DNAH12: variants seen among roughly 807,000 people sequenced by gnomAD.
DNAH12 encodes dynein axonemal heavy chain 12, also known as axonemal beta dynein heavy chain 12.
Under a neutral mutation model 371.5 loss-of-function variants are expected in DNAH12, and 285 were observed. The observed-to-expected ratio is 0.77, with a 90% CI of 0.70 to 0.85. The LOEUF is 0.85. Ranked by LOEUF, DNAH12 falls within the 40% of genes least tolerant of loss-of-function variation. The pLI is 0.00. For missense variants in DNAH12, 3,611 were observed against 3,689.4 expected (o/e 0.98, Z 0.55); for synonymous variants, 1,200 against 1,213.0 (o/e 0.99, Z 0.22).
chr3:57,501,349 T>G lies in DNAH12; in HGVS notation c.1307A>C (p.Glu436Ala). Residue 436 changes from glutamate (E) to alanine (A), a missense_variant, in exon 11 of 74, where the codon GAA becomes GCA. By Grantham distance (107) the Glu-to-Ala change is moderately radical. Around this residue, in one of 3 missense-constraint regions of DNAH12, gnomAD observed 1,314 missense variants for 1,398.7 expected, o/e 0.94. Coordinates refer to ENST00000495027, the MANE Select transcript of DNAH12 (RefSeq NM_001366028.2). Reference sequence around the variant, plus strand: ...TGTATATTCATCAAAAGTATGATCTTCTGTCTGAAAAGTCTCTATATTCTC... The same window carrying G: ...TGTATATTCATCAAAAGTATGATCTGCTGTCTGAAAAGTCTCTATATTCTC... The part of the protein sequence containing the change: ...AVENIETFQT[E>A]DHTFDEYTEF... The G allele has an allele frequency of 6.3e-7, 1 of 1,596,880 alleles. No homozygotes were observed. Among genetic ancestry groups the G allele is most frequent in the Non-Finnish European group, 8.5e-7 (1 of 1,175,348 alleles).
intron 32 of DNAH12, 28 bp from the exon 33 acceptor site, chr3:57,429,802 A>AT (rs1325151941): frequency 1.3e-6 from 2 of 1,486,064 alleles, no homozygotes; most frequent in Non-Finnish European, 8.9e-7. Context: ...TCAAATGTTT[A>AT]TTTTTTAAAA....
At chr3:57,437,361 T>C (rs574480353) in intron 29 of DNAH12, among the ~76,000 whole-genome samples, 1 of 151,128 alleles carries the variant, frequency 6.6e-6, no homozygotes, top group South Asian at 2.1e-4. Flanking sequence ...GGTTAGGAAA[T>C]AGAAAGACCT....
chr3:57,493,779 A>C (rs569523886), intron 11 of DNAH12: 2 of 141,554 alleles, frequency 1.4e-5, no homozygotes, highest in Non-Finnish European at 3.0e-5. Context: ...GACCAGTCAA[A>C]AAAAAAAAAA....
chr3:57,313,243 A>G (rs988810252), intron 66 of DNAH12, among the ~76,000 whole-genome samples: 1 of 152,196 alleles, frequency 6.6e-6, no homozygotes, highest in African/African-American at 2.4e-5. Flanking sequence ...AAGCAAGAAC[A>G]GACCACCTAT....
At chr3:57,477,817 C>G (rs575362011) in intron 13 of DNAH12, among the ~76,000 whole-genome samples, 76 of 152,304 alleles carry the variant, frequency 5.0e-4, no homozygotes, top group African/African-American at 1.7e-3. Flanking sequence ...CAAACAGGGT[C>G]TGGAGTGGAC....
chr3:57,302,984 T>C (rs1009944629), intron 69 of DNAH12, among the ~76,000 whole-genome samples: 3 of 152,042 alleles, frequency 2.0e-5, no homozygotes, highest in Non-Finnish European at 4.4e-5. Flanking sequence ...GAAGTTATGA[T>C]TAATGAATAT....
intron 69 of DNAH12, among the ~76,000 whole-genome samples, chr3:57,305,599 A>G (rs1245422737): frequency 6.6e-6 from 1 of 152,030 alleles, no homozygotes; most frequent in Non-Finnish European, 1.5e-5. Context: ...GCTCTTTTTC[A>G]TCAAATATGA....
intron 1 of DNAH12, 73 bp from the exon 2 acceptor site, chr3:57,542,976 T>C (rs1164191229): frequency 1.8e-6 from 2 of 1,136,692 alleles, no homozygotes; most frequent in East Asian, 2.7e-5. Flanking sequence ...ATCTAACATA[T>C]CAATACCAAA....
At chr3:57,437,902 C>T (rs1346562284) in intron 29 of DNAH12, among the ~76,000 whole-genome samples, 1 of 152,196 alleles carries the variant, frequency 6.6e-6, no homozygotes, top group African/African-American at 2.4e-5. Flanking sequence ...TAAACTACAG[C>T]TCAGTAATGC....
At chr3:57,372,093 G>A (rs893974062) in intron 55 of DNAH12, among the ~76,000 whole-genome samples, 1 of 151,766 alleles carries the variant, frequency 6.6e-6, no homozygotes, top group African/African-American at 2.4e-5. Context: ...GTTAACAATA[G>A]TTTATTGTAT....
At chr3:57,504,394 C>A (rs1030978284) in intron 8 of DNAH12, among the ~76,000 whole-genome samples, 190 bp from the exon 9 acceptor site, 5 of 151,894 alleles carry the variant, frequency 3.3e-5, no homozygotes, top group African/African-American at 1.2e-4. Context: ...CATGCACACA[C>A]ACACACACAC....
chr3:57,507,642 C>A lies in DNAH12; in HGVS notation c.897+1G>T. The A allele has an allele frequency of 6.3e-7, 1 of 1,590,298 alleles. No individual in the cohort carries two copies. Among genetic ancestry groups the A allele is most frequent in the Non-Finnish European group, 8.5e-7 (1 of 1,174,910 alleles). On this transcript the variant is annotated splice_donor_variant, in intron 8 of 73. Transcript: ENST00000495027. LOFTEE classifies it high-confidence loss of function. Reference sequence around the variant, plus strand: ...ATTTAATATATATAAAGTGTATGTACCTGATTTGACATAAGTGTGGAAACA... The same window carrying A: ...ATTTAATATATATAAAGTGTATGTAACTGATTTGACATAAGTGTGGAAACA...
intron 62 of DNAH12, among the ~76,000 whole-genome samples, chr3:57,326,626 G>C (rs930840516): frequency 2.2e-4 from 34 of 152,066 alleles, no homozygotes; most frequent in African/African-American, 2.2e-4. Context: ...TAAAGACCAT[G>C]GAGACTAGGA....
Position 57,293,759 on chromosome 3 carries a change from A to G in DNAH12, c.*22T>C. ...GGTTTTTTTTTTTTTAAACTTTTGG[A>G]TGTTTTATAAATTTGTCCAATTTAG... On this transcript the variant is annotated 3_prime_UTR_variant, in exon 74 of 74. Coordinates refer to ENST00000495027, the MANE Select transcript of DNAH12 (RefSeq NM_001366028.2). The G allele has an allele frequency of 6.5e-7, 1 of 1,530,014 alleles. No individual in the cohort carries two copies. The highest frequency in any genetic ancestry group is 8.8e-7 in the Non-Finnish European group (1 of 1,139,498). 94.8% of individuals were successfully genotyped at this position (1,530,014 alleles called of 1,614,324 possible). A position where few individuals can be genotyped will look rare whatever the true frequency, so the allele number is the denominator to read the frequency against.
intron 2 of DNAH12, among the ~76,000 whole-genome samples, chr3:57,531,300 T>C (rs1185364161): frequency 1.3e-5 from 2 of 152,242 alleles, no homozygotes; most frequent in African/African-American, 4.8e-5. Context: ...TGCAGTAGTC[T>C]AAGGTTCCTT....
intron 62 of DNAH12, among the ~76,000 whole-genome samples, chr3:57,331,667 T>C (rs558771176): frequency 3.9e-5 from 6 of 152,312 alleles, no homozygotes; most frequent in Admixed American, 1.3e-4. Context: ...GAAGGGACTA[T>C]TGCAATCACT....
At chr3:57,322,506 C>T in intron 64 of DNAH12, 23 bp from the exon 65 acceptor site, 1 of 1,545,912 alleles carries the variant, frequency 6.5e-7, no homozygotes, top group African/African-American at 1.4e-5. Flanking sequence ...AAATGGAGAG[C>T]ATTATACAAG....
chr3:57,497,187 T>A (rs1256347892), intron 11 of DNAH12, among the ~76,000 whole-genome samples: 1 of 152,212 alleles, frequency 6.6e-6, no homozygotes, highest in Non-Finnish European at 1.5e-5. Context: ...ATTCAGAGAT[T>A]CAATGGAATC....
At chr3:57,316,736 C>T (rs560530269) in intron 65 of DNAH12, among the ~76,000 whole-genome samples, 3 of 152,216 alleles carry the variant, frequency 2.0e-5, no homozygotes, top group East Asian at 3.9e-4. Flanking sequence ...TCACGAGATC[C>T]GATGGTTTTA....
Sources: allele counts gnomAD v4.1 joint callset (sites outside exome capture counted in the v4.1 genomes callset), GRCh38; gene constraint gnomAD v4.1.1; regional missense constraint gnomAD v4.1.1; transcripts MANE v1.5; gene names NCBI Gene and HGNC (gene_info 2026-07-23, HGNC 2026-07-21).